The following NFILZ variants were observed in gnomAD, a reference collection of about 807,000 sequenced individuals.
NFILZ encodes the protein NFIL3 like protein.
At chr19:8,653,373 G>A (rs369805708) in intron 3 of NFILZ, among the ~76,000 whole-genome samples, 12 of 152,180 alleles carry the variant, frequency 7.9e-5, no homozygotes, top group African/African-American at 2.6e-4. Context: ...GAGCTACTGC[G>A]CCTGGCCTGC....
chr19:8,668,376 A>G (rs1331221680), intron 3 of NFILZ, among the ~76,000 whole-genome samples: 1 of 151,860 alleles, frequency 6.6e-6, no homozygotes, highest in Non-Finnish European at 1.5e-5. Flanking sequence ...CAGAGGAATG[A>G]TGGTATACTT....
At chr19:8,633,927 CTTCCTTCCTTCCTTCCTTCCCTCCCTTCT>C (rs1171595247) in intron 2 of NFILZ, among the ~76,000 whole-genome samples, 11 of 145,504 alleles carry the variant, frequency 7.6e-5, no homozygotes, top group African/African-American at 2.8e-4. Flanking sequence ...TCCTTCCTTC[CTTCCTTCCTTCCTTCCTTCCCTCCCTTCT>C]TTCCTTCTCT....
At chr19:8,640,770 A>T (rs775363913) in intron 3 of NFILZ, among the ~76,000 whole-genome samples, 8 of 152,180 alleles carry the variant, frequency 5.3e-5, no homozygotes, top group Non-Finnish European at 1.0e-4. Context: ...GGGTGTGGAT[A>T]TTCAAGGACC....
intron 3 of NFILZ, among the ~76,000 whole-genome samples, chr19:8,659,604 G>A (rs146248262): frequency 3.4e-3 from 513 of 152,286 alleles, no homozygotes; most frequent in Admixed American, 6.4e-3. Context: ...GTTTTAAGCA[G>A]GAAAGTAGCA....
intron 1 of NFILZ, among the ~76,000 whole-genome samples, 197 bp from the exon 2 acceptor site, chr19:8,632,279 G>T (rs2042874064): frequency 7.3e-6 from 1 of 137,402 alleles, no homozygotes; most frequent in African/African-American, 3.1e-5. Flanking sequence ...TGTGTGTCAG[G>T]GGGTTATTTT....
rs1466801190 is a variant in NFILZ, at chr19:8,678,466, A to T, written c.*831A>T. Among the ~76,000 whole-genome samples, 3 of 148,866 alleles carry T rather than the reference A, an allele frequency of 2.0e-5. No homozygotes were observed. Among genetic ancestry groups the T allele is most frequent in the Non-Finnish European group, 4.5e-5 (3 of 67,348 alleles). ...TCCACCCATCCTCACCTATCCATCC[A>T]TCCACCCATTCTTTCTTGCTTCTAT... is the stretch of plus-strand genomic sequence containing the variant. On this transcript the variant is annotated 3_prime_UTR_variant, in exon 6 of 6. Transcript: ENST00000691075.
chr19:8,639,488 T>G (rs1272323311), intron 3 of NFILZ, among the ~76,000 whole-genome samples: 2 of 151,832 alleles, frequency 1.3e-5, no homozygotes, highest in African/African-American at 4.8e-5. Flanking sequence ...TCCCAGCTAC[T>G]CAGGAGGCAG....
At chr19:8,663,760 GTGTGTGTGTGTA>G (rs2043048204) in intron 3 of NFILZ, among the ~76,000 whole-genome samples, 1 of 136,252 alleles carries the variant, frequency 7.3e-6, no homozygotes, top group African/African-American at 2.7e-5. Flanking sequence ...GTGTGTGTGT[GTGTGTGTGTGTA>G]TGTATGTGTG....
chr19:8,633,877 CCCTTCCTTCCTTCCTTCCTT>C (rs782201553), intron 2 of NFILZ, among the ~76,000 whole-genome samples: 1,317 of 84,516 alleles, frequency 0.016, 20 homozygotes, highest in South Asian at 0.023. Context: ...TAACTTTTCT[CCCTTCCTTCCTTCCTTCCTT>C]CCTTCCTTCC....
chr19:8,649,746 C>T (rs1299089756), intron 3 of NFILZ, among the ~76,000 whole-genome samples: 35 of 152,018 alleles, frequency 2.3e-4, no homozygotes, highest in African/African-American at 7.7e-4. Context: ...TAAAAATCAC[C>T]AGAAGGCAGT....
intron 3 of NFILZ, among the ~76,000 whole-genome samples, chr19:8,663,736 G>GTATGTGTGTGTGTGTGTA (rs782229587): frequency 3.2e-4 from 44 of 136,138 alleles, no homozygotes; most frequent in Middle Eastern, 3.6e-3. Flanking sequence ...GTGTGTGTGT[G>GTATGTGTGTGTGTGTGTA]TGTGTGTGTG....
chr19:8,661,975 G>T (rs189565281), intron 3 of NFILZ, among the ~76,000 whole-genome samples: 1 of 152,128 alleles, frequency 6.6e-6, no homozygotes, highest in African/African-American at 2.4e-5. Context: ...TGAGGAAGGA[G>T]GGTCCACTGA....
intron 4 of NFILZ, among the ~76,000 whole-genome samples, chr19:8,675,560 G>A (rs2043838): frequency 0.13 from 19,612 of 152,050 alleles, 1,830 homozygotes; most frequent in East Asian, 0.5. Flanking sequence ...TGGGAATTGT[G>A]TTTTGTTTTC....
At chr19:8,653,038 T>TC (rs2042975227) in intron 3 of NFILZ, among the ~76,000 whole-genome samples, 7 of 90,590 alleles carry the variant, frequency 7.7e-5, no homozygotes, top group East Asian at 2.9e-4. Flanking sequence ...CTTTCTTTCT[T>TC]TCTCTCTCTC....
chr19:8,669,014 G>A (rs1465141391), intron 3 of NFILZ, among the ~76,000 whole-genome samples: 4 of 152,106 alleles, frequency 2.6e-5, no homozygotes, highest in Admixed American at 6.5e-5. Context: ...GTGCAATCTC[G>A]GCTCACTGCA....
Position 8,654,331 on chromosome 19 carries a change from A to AAAT in NFILZ, c.-164+18585_-164+18586insAAT, listed in dbSNP as rs540725168. On this transcript the variant is annotated intron_variant, in intron 3 of 5. Transcript: ENST00000691075. Reference sequence around the variant, plus strand: ...CCAAAAGCTACTGAAAAAAAAAAAAATTATGGCTGGCAGTGGTGGCTTATG... The same window carrying AAAT: ...CCAAAAGCTACTGAAAAAAAAAAAAAAATTTATGGCTGGCAGTGGTGGCTTATG... Among the ~76,000 whole-genome samples, 1,052 of 150,070 alleles carry AAAT rather than the reference A, an allele frequency of 7.0e-3. 12 individuals carry two copies. The highest frequency in any genetic ancestry group is 0.02 in the African/African-American group (809 of 40,876).
At position 8,678,122 on chromosome 19, in the gene NFILZ, CA is replaced by C. The variant is rs2043124667; in HGVS notation, c.*488del. On this transcript the variant is annotated 3_prime_UTR_variant, in exon 6 of 6. Coordinates refer to ENST00000691075, the MANE Select transcript of NFILZ (RefSeq NM_001378600.1). Reference sequence around the variant, plus strand: ...CCATCCATCCATCCATCCATCCATCCATCCCTCCATCCATTCATCCACTTGT... The same window carrying C: ...CCATCCATCCATCCATCCATCCATCCTCCCTCCATCCATTCATCCACTTGT... Among the ~76,000 whole-genome samples the C allele has an allele frequency of 6.7e-6, 1 of 149,716 alleles. No individual in the cohort carries two copies. The highest frequency in any genetic ancestry group is 2.5e-5 in the African/African-American group (1 of 40,636).
At chr19:8,672,499 A>G (rs555721783) in intron 3 of NFILZ, among the ~76,000 whole-genome samples, 1 of 152,068 alleles carries the variant, frequency 6.6e-6, no homozygotes, top group Non-Finnish European at 1.5e-5. Context: ...AAATCCATGC[A>G]CTTATTTGTT....
chr19:8,647,779 G>A (rs879979677), intron 3 of NFILZ, among the ~76,000 whole-genome samples: 47 of 76,310 alleles, frequency 6.2e-4, no homozygotes, highest in African/African-American at 9.4e-4. Flanking sequence ...ACGCACACAT[G>A]CGCGCGCGCG....
Sources: allele counts gnomAD v4.1 joint callset (sites outside exome capture counted in the v4.1 genomes callset), GRCh38; gene constraint gnomAD v4.1.1; transcripts MANE v1.5; gene names NCBI Gene and HGNC (gene_info 2026-07-23, HGNC 2026-07-21).